NTM: variants seen among roughly 807,000 people sequenced by gnomAD.
NTM encodes neurotrimin.
NTM carries 13 observed loss-of-function variants against 42.1 expected under a neutral mutation model. The ratio of observed to expected loss-of-function variants is 0.31; its 90% CI spans 0.20 to 0.49. NTM has a LOEUF of 0.49. NTM is among the 20% of genes least tolerant of loss of function. NTM has a pLI of 0.99. For missense variants in NTM, 373 were observed against 452.8 expected (o/e 0.82, Z 1.60); for synonymous variants, 187 against 179.2 (o/e 1.04, Z -0.35).
intron 3 of NTM, among the ~76,000 whole-genome samples, chr11:132,207,571 C>T (rs996410710): frequency 5.9e-5 from 9 of 152,076 alleles, no homozygotes; most frequent in East Asian, 1.9e-4. Context: ...CATTCCTTCC[C>T]GCATCCCCAG....
intron 2 of NTM, among the ~76,000 whole-genome samples, chr11:131,921,137 CCCCACCATAAAAAA>C (rs2057162638): frequency 6.6e-6 from 1 of 152,188 alleles, no homozygotes; most frequent in Admixed American, 6.5e-5. Context: ...TGTCCCATCT[CCCCACCATAAAAAA>C]ATTATATTGA....
intron 1 of NTM, among the ~76,000 whole-genome samples, chr11:131,842,632 A>G (rs1217768760): frequency 6.6e-6 from 1 of 152,256 alleles, no homozygotes; most frequent in Non-Finnish European, 1.5e-5. Flanking sequence ...ACATTGCAAG[A>G]GAAGTACATT....
intron 2 of NTM, chr11:132,140,997 A>C (rs2068992690): frequency 1.3e-5 from 2 of 152,218 alleles, no homozygotes; most frequent in Non-Finnish European, 2.9e-5. Context: ...ACACAGTTAA[A>C]GGGCCATTTG....
chr11:131,569,525 T>G (rs1288559350), intron 1 of NTM, among the ~76,000 whole-genome samples: 1 of 152,142 alleles, frequency 6.6e-6, no homozygotes, highest in East Asian at 1.9e-4. Flanking sequence ...TTATTCCTAC[T>G]TTTACACTCA....
At chr11:131,888,496 C>T (rs566297307) in intron 1 of NTM, among the ~76,000 whole-genome samples, 12 of 152,232 alleles carry the variant, frequency 7.9e-5, no homozygotes, top group African/African-American at 2.9e-4. Flanking sequence ...TTCGGTTCAG[C>T]CCCAGGTTTG....
intron 2 of NTM, among the ~76,000 whole-genome samples, chr11:132,038,808 C>A (rs963199568): frequency 7.2e-5 from 11 of 152,206 alleles, no homozygotes; most frequent in Admixed American, 2.6e-4. Flanking sequence ...TCTCGCCTGT[C>A]TGCCTTCCTC....
At chr11:132,246,464 C>T (rs971788282) in intron 4 of NTM, among the ~76,000 whole-genome samples, 1 of 152,242 alleles carries the variant, frequency 6.6e-6, no homozygotes, top group Non-Finnish European at 1.5e-5. Flanking sequence ...GGTCACAGAG[C>T]TGAACTCCCA....
intron 4 of NTM, among the ~76,000 whole-genome samples, chr11:132,278,425 G>A (rs552465619): frequency 9.9e-5 from 15 of 152,266 alleles, no homozygotes; most frequent in South Asian, 4.2e-4. Flanking sequence ...CTGCTAATCC[G>A]TCAGCCAGAA....
chr11:132,189,653 C>A (rs2078981659), intron 3 of NTM, among the ~76,000 whole-genome samples: 1 of 151,220 alleles, frequency 6.6e-6, no homozygotes, highest in African/African-American at 2.4e-5. Flanking sequence ...CACACACACA[C>A]ACACACACAC....
At chr11:132,053,909 T>G (rs77026920) in intron 2 of NTM, among the ~76,000 whole-genome samples, 2,157 of 152,270 alleles carry the variant, frequency 0.014, 29 homozygotes, top group South Asian at 0.031. Context: ...CAGTAGCAGA[T>G]GTAGTGGTCA....
At chr11:131,625,505 A>C (rs1480691820) in intron 1 of NTM, among the ~76,000 whole-genome samples, 1 of 152,176 alleles carries the variant, frequency 6.6e-6, no homozygotes, top group East Asian at 1.9e-4. Flanking sequence ...AGAGAGACAG[A>C]CAGACACAGA....
At chr11:132,022,114 ACTGGTCCTCAGGTATTACCCTACC>A (rs1168745765) in intron 2 of NTM, among the ~76,000 whole-genome samples, 6 of 152,206 alleles carry the variant, frequency 3.9e-5, no homozygotes, top group Non-Finnish European at 8.8e-5. Flanking sequence ...CAGAGATGCC[ACTGGTCCTCAGGTATTACCCTACC>A]CTGGAGGAAC....
At chr11:131,581,208 G>C (rs531472763) in intron 1 of NTM, among the ~76,000 whole-genome samples, 41 of 152,302 alleles carry the variant, frequency 2.7e-4, no homozygotes, top group African/African-American at 9.1e-4. Context: ...CTGCTCTTGC[G>C]GGTTGCTGGC....
intron 1 of NTM, among the ~76,000 whole-genome samples, chr11:131,883,962 A>G (rs1484282223): frequency 6.6e-6 from 1 of 152,224 alleles, no homozygotes; most frequent in Admixed American, 6.5e-5. Context: ...GGAAGTGGCC[A>G]TATGATAGCT....
At chr11:132,274,912 A>T (rs764669220) in intron 4 of NTM, among the ~76,000 whole-genome samples, 12 of 152,116 alleles carry the variant, frequency 7.9e-5, no homozygotes, top group Non-Finnish European at 1.8e-4. Flanking sequence ...CCACTTGGAT[A>T]GTTCTTTGCC....
chr11:132,316,008 T>C (rs913345902), intron 7 of NTM, among the ~76,000 whole-genome samples: 1 of 151,822 alleles, frequency 6.6e-6, no homozygotes, highest in Non-Finnish European at 1.5e-5. Context: ...AGACCCCTCC[T>C]TCCCTTGCTT....
chr11:132,266,990 A>G (rs1392462386), intron 4 of NTM, among the ~76,000 whole-genome samples: 1 of 152,196 alleles, frequency 6.6e-6, no homozygotes, highest in Non-Finnish European at 1.5e-5. Context: ...TCAAATCATG[A>G]CGGAAATAAC....
rs56762855 is a variant in NTM at position 132,328,777 on chromosome 11, C to T, written c.935-1376C>T. Among the ~76,000 whole-genome samples, 1,332 of 152,134 alleles carry T rather than the reference C, an allele frequency of 8.8e-3. 15 individuals carry two copies. The highest frequency in any genetic ancestry group is 0.031 in the African/African-American group (1,280 of 41,496). Reference sequence around the variant, plus strand: ...TGGCACAGAGAGGATCAAAAATCACCGGTACCTAAATAAGACAATTAATGA... The same window carrying T: ...TGGCACAGAGAGGATCAAAAATCACTGGTACCTAAATAAGACAATTAATGA... On this transcript the variant is annotated intron_variant, in intron 7 of 8. Transcript: ENST00000683400.
rs115278601 is a variant in NTM, at chr11:131,654,333, C to T, written c.83-257231C>T. On this transcript the variant is annotated intron_variant, in intron 1 of 8. Coordinates refer to ENST00000683400, the MANE Select transcript of NTM (RefSeq NM_001352005.2). ...CCACCCCCACCGCCAAAGGCAGGGCCGGTGTCCTTCTGTGTGTCCCAGGGA... is the reference window on the plus strand; with the variant it reads ...CCACCCCCACCGCCAAAGGCAGGGCTGGTGTCCTTCTGTGTGTCCCAGGGA... 4.3e-3 allele frequency among the ~76,000 whole-genome samples: 651 copies of T among 152,294 alleles called. 5 individuals are homozygous for T. The highest frequency in any genetic ancestry group is 0.015 in the African/African-American group (609 of 41,568).
Sources: gnomAD v4.1 joint callset for allele counts (sites outside exome capture counted in the v4.1 genomes callset) on GRCh38, gnomAD v4.1.1 for gene constraint, MANE v1.5 for transcripts, NCBI Gene and HGNC (gene_info 2026-07-23, HGNC 2026-07-21) for gene names.